MYO1B: variants seen among roughly 807,000 people sequenced by gnomAD.
MYO1B encodes the protein myosin IB.
In MYO1B, 72 loss-of-function variants were observed where a neutral mutation model predicts 159.7. The ratio of observed to expected loss-of-function variants is 0.45; its 90% CI spans 0.37 to 0.55. MYO1B has a LOEUF of 0.55. Ranked by LOEUF, MYO1B falls within the 20% of genes least tolerant of loss-of-function variation. The pLI, the probability that MYO1B is intolerant of heterozygous loss-of-function variation, is 0.00. For synonymous variants in MYO1B, 468 were observed against 473.8 expected, an observed-to-expected ratio of 0.99 and a Z score of 0.16; for missense variants, 1,062 against 1,364.8, an observed-to-expected ratio of 0.78 and a Z score of 3.50.
chr2:191,338,024 G>C (rs1691969445), intron 4 of MYO1B, among the ~76,000 whole-genome samples: 1 of 152,122 alleles, frequency 6.6e-6, no homozygotes, highest in Admixed American at 6.5e-5. Flanking sequence ...GAAATATTAT[G>C]AAAACAGTTC....
chr2:191,395,294 G>A (rs1696001952), intron 20 of MYO1B, among the ~76,000 whole-genome samples: 1 of 152,124 alleles, frequency 6.6e-6, no homozygotes, highest in South Asian at 2.1e-4. Flanking sequence ...GGAAACTGAG[G>A]CCCAGAGAAG....
At chr2:191,246,489 T>C (rs1685802093) in intron 1 of MYO1B, 1 of 152,070 alleles carries the variant, frequency 6.6e-6, no homozygotes, top group African/African-American at 2.4e-5. Flanking sequence ...GCTTCTTGAG[T>C]TTCTAGGCGT....
chr2:191,317,674 C>A lies in MYO1B; in HGVS notation c.252-12261C>A, dbSNP rs115197508. Reference sequence around the variant, plus strand: ...ACTTTTAAAAGGAGATTTTAGGTGACTGTTTGCCTGTGTCTTCACATTGAA... The same window carrying A: ...ACTTTTAAAAGGAGATTTTAGGTGAATGTTTGCCTGTGTCTTCACATTGAA... On this transcript the variant is annotated intron_variant, in intron 3 of 30. Transcript: ENST00000392318. 7.8e-3 allele frequency among the ~76,000 whole-genome samples: 1,187 copies of A among 152,288 alleles called. 16 individuals carry two copies. The highest frequency in any genetic ancestry group is 0.027 in the African/African-American group (1,131 of 41,562).
chr2:191,413,789 A>G (rs1023914878), intron 27 of MYO1B, among the ~76,000 whole-genome samples: 2 of 152,084 alleles, frequency 1.3e-5, no homozygotes, highest in Non-Finnish European at 2.9e-5. Context: ...TTCTGTCTTG[A>G]TTGTTCCGTG....
intron 1 of MYO1B, among the ~76,000 whole-genome samples, chr2:191,273,375 G>A (rs1394298115): frequency 1.3e-5 from 2 of 152,036 alleles, no homozygotes; most frequent in Non-Finnish European, 2.9e-5. Flanking sequence ...CACTTGCCTC[G>A]GCCTCCCAAA....
intron 3 of MYO1B, among the ~76,000 whole-genome samples, chr2:191,312,374 C>T (rs528256602): frequency 1.8e-4 from 28 of 152,138 alleles, no homozygotes; most frequent in Non-Finnish European, 7.3e-5. Flanking sequence ...TCATCTTTTG[C>T]GGTATATGGG....
Position 191,363,795 on chromosome 2 carries a change from T to C in MYO1B, c.833T>C (p.Val278Ala). The change falls in exon 10 of 31, where the codon GTG becomes GCG. Residue 278 changes from valine (V) to alanine (A), a missense_variant. By Grantham distance (64) the Val-to-Ala change is moderately conservative. Transcript: ENST00000392318. The part of the protein sequence containing the change: ...AESVLAVVAA[V>A]LKLGNIEFKP... ...TCTGTCTTGGCGGTGGTGGCAGCAG[T>C]GTTGAAACTGGGGAACATTGAGTTC... 6.2e-7 allele frequency: 1 copy of C among 1,613,916 alleles called. No homozygotes were observed. Among genetic ancestry groups the C allele is most frequent in the South Asian group, 1.1e-5 (1 of 91,058 alleles).
intron 7 of MYO1B, among the ~76,000 whole-genome samples, chr2:191,351,886 A>AAAATAAAT (rs938447521): frequency 6.6e-6 from 1 of 152,184 alleles, no homozygotes; most frequent in Admixed American, 6.5e-5. Context: ...CCCCATCTCA[A>AAAATAAAT]AAATAAATAA....
At chr2:191,321,677 C>A (rs983506920) in intron 3 of MYO1B, among the ~76,000 whole-genome samples, 1 of 152,166 alleles carries the variant, frequency 6.6e-6, no homozygotes, top group Admixed American at 6.5e-5. Context: ...AGCCTCTTTC[C>A]TTGCATATGC....
intron 18 of MYO1B, 118 bp from the exon 19 acceptor site, chr2:191,391,990 G>A: frequency 3.3e-6 from 2 of 598,098 alleles, no homozygotes; most frequent in East Asian, 5.5e-5. Context: ...TGCTGAAAGA[G>A]CAATTACACT....
chr2:191,312,673 T>A lies in MYO1B; in HGVS notation c.251+16447T>A, dbSNP rs146040279. On this transcript the variant is annotated intron_variant, in intron 3 of 30. Transcript: ENST00000392318. ...TGTTTGGTTATTTATAGTTAACTTGTCAGGTAACACCATCCAATGTATTGT... is the reference window on the plus strand; with the variant it reads ...TGTTTGGTTATTTATAGTTAACTTGACAGGTAACACCATCCAATGTATTGT... Among the ~76,000 whole-genome samples, 294 of 152,348 alleles carry A rather than the reference T, an allele frequency of 1.9e-3. 1 individual carries two copies. The highest frequency in any genetic ancestry group is 6.8e-3 in the African/African-American group (283 of 41,580).
intron 3 of MYO1B, among the ~76,000 whole-genome samples, chr2:191,310,531 T>A (rs1438081319): frequency 2.0e-5 from 3 of 152,222 alleles, no homozygotes; most frequent in African/African-American, 7.2e-5. Flanking sequence ...AGTAGGTGGC[T>A]TTTGTAGTTT....
chr2:191,416,674 C>T (rs900298535), intron 30 of MYO1B, among the ~76,000 whole-genome samples: 4 of 151,854 alleles, frequency 2.6e-5, no homozygotes, highest in Admixed American at 6.6e-5. Context: ...ATTAGCTGGG[C>T]GTGGTGGCGG....
chr2:191,360,647 T>C lies in MYO1B; in HGVS notation c.579T>C (p.Ser193=). Residue 193 remains serine (S), a synonymous_variant, in exon 8 of 31, where the codon TCT becomes TCC. Coordinates refer to ENST00000392318, the MANE Select transcript of MYO1B (RefSeq NM_001130158.3). ...TCTCTTTAGATCTTTTAGAGAAATC[T>C]CGGGTTGTTAAACAGCCAAGAGGTG... is the stretch of plus-strand genomic sequence containing the variant. ...GVISNYLLEK[S]RVVKQPRGER... 18 of 1,611,658 alleles carry C rather than the reference T, an allele frequency of 1.1e-5. No homozygotes were observed. In the Middle Eastern group the frequency reaches 5.0e-4, roughly 44 times the overall value.
At chr2:191,392,029 G>C in intron 18 of MYO1B, 79 bp from the exon 19 acceptor site, 1 of 1,001,080 alleles carries the variant, frequency 1.0e-6, no homozygotes. Flanking sequence ...TTATACCACT[G>C]AGAACCTGAT....
intron 1 of MYO1B, among the ~76,000 whole-genome samples, chr2:191,260,448 A>C (rs1245642493): frequency 1.3e-5 from 2 of 151,370 alleles, no homozygotes; most frequent in Non-Finnish European, 3.0e-5. Flanking sequence ...TTTCTGGTGT[A>C]TATGTCTTTA....
At chr2:191,364,057 C>A in intron 10 of MYO1B, 101 bp from the exon 11 acceptor site, 3 of 1,204,316 alleles carry the variant, frequency 2.5e-6, no homozygotes, top group Non-Finnish European at 2.5e-6. Flanking sequence ...TTATACTGAT[C>A]TGTTTGATTA....
rs1208667928 is a variant in MYO1B, at chr2:191,254,263, A to G, written c.-10+8637A>G. On this transcript the variant is annotated intron_variant, in intron 1 of 30. Transcript: ENST00000392318. ...GTTTCGCTCTTGCTGCCCAGGCTGG[A>G]GTGCAGTGGCATAATCTTGGCTCAC... is the stretch of plus-strand genomic sequence containing the variant. 2.6e-5 allele frequency among the ~76,000 whole-genome samples: 4 copies of G among 152,066 alleles called. No individual in the cohort carries two copies. The South Asian group carries it at 6.2e-4, about 24-fold the overall frequency.
intron 4 of MYO1B, among the ~76,000 whole-genome samples, chr2:191,333,486 C>T (rs1329700444): frequency 1.3e-5 from 2 of 152,080 alleles, no homozygotes; most frequent in Admixed American, 6.6e-5. Flanking sequence ...AATCCCTTTC[C>T]TAATTTTGTC....
Sources: allele counts gnomAD v4.1 joint callset (sites outside exome capture counted in the v4.1 genomes callset), GRCh38; gene constraint gnomAD v4.1.1; transcripts MANE v1.5; gene names NCBI Gene and HGNC (gene_info 2026-07-23, HGNC 2026-07-21).